Variants in GLI3 observed in about 807,000 individuals in gnomAD.
GLI3 encodes the protein GLI family zinc finger 3.
GLI3 carries 20 observed loss-of-function variants against 100.8 expected under a neutral mutation model. The observed-to-expected ratio is 0.20, with a 90% CI of 0.14 to 0.29. The LOEUF (loss-of-function observed/expected upper bound fraction) is 0.29, where lower values mean the gene tolerates loss of function less well. GLI3 is among the 10% of genes least tolerant of loss of function. The pLI is 1.00. For synonymous variants in GLI3, 938 were observed against 860.5 expected (o/e 1.09, Z -1.58); for missense variants, 2,040 against 2,128.5 (o/e 0.96, Z 0.82).
At chr7:42,072,285 T>C (rs757485512) in intron 4 of GLI3, among the ~76,000 whole-genome samples, 1 of 152,220 alleles carries the variant, frequency 6.6e-6, no homozygotes, top group South Asian at 2.1e-4. Flanking sequence ...ATTCAATTAA[T>C]ACTGGTCCAT....
chr7:42,162,929 G>T (rs1323356061), intron 2 of GLI3, among the ~76,000 whole-genome samples: 2 of 149,568 alleles, frequency 1.3e-5, no homozygotes, highest in African/African-American at 4.9e-5. Flanking sequence ...CTGAAGTCCT[G>T]GGGAGGAGTG....
chr7:41,980,570 AT>A (rs1280068381), intron 10 of GLI3, among the ~76,000 whole-genome samples: 2 of 152,134 alleles, frequency 1.3e-5, no homozygotes, highest in African/African-American at 4.8e-5. Flanking sequence ...GGATCCTTGG[AT>A]TAATGCATAT....
rs111965877 is a variant in GLI3, at chr7:41,988,326, T to G, written c.1498-9578A>C. ...AAAATGCAAAAAATTAGCTGGACAT[T>G]GTAGCAGGTGCCTGTAATCCCAGCT... On this transcript the variant is annotated intron_variant, in intron 10 of 14. Transcript: ENST00000395925. Among the ~76,000 whole-genome samples, 576 of 152,034 alleles carry G rather than the reference T, an allele frequency of 3.8e-3. 4 individuals are homozygous for G. The highest frequency in any genetic ancestry group is 0.013 in the African/African-American group (537 of 41,510).
At chr7:41,996,442 G>T (rs1788128172) in intron 10 of GLI3, among the ~76,000 whole-genome samples, 1 of 152,144 alleles carries the variant, frequency 6.6e-6, no homozygotes, top group Admixed American at 6.5e-5. Context: ...CCAAGGGTTA[G>T]TCAACCGCTG....
intron 4 of GLI3, among the ~76,000 whole-genome samples, chr7:42,054,635 CAATT>C (rs1289330640): frequency 4.6e-5 from 7 of 151,744 alleles, no homozygotes; most frequent in Non-Finnish European, 1.0e-4. Flanking sequence ...CATTTTTAAC[CAATT>C]AATTAATTAT....
intron 5 of GLI3, among the ~76,000 whole-genome samples, chr7:42,048,022 C>G (rs1784280027): frequency 6.6e-6 from 1 of 152,188 alleles, no homozygotes; most frequent in Non-Finnish European, 1.5e-5. Context: ...GGGAAGCCCT[C>G]CTCTAACAGA....
intron 2 of GLI3, among the ~76,000 whole-genome samples, chr7:42,153,052 A>G (rs563271768): frequency 7.5e-4 from 114 of 152,318 alleles, no homozygotes; most frequent in African/African-American, 2.6e-3. Context: ...ATTTCTTAAC[A>G]TCTTTTCAAA....
intron 4 of GLI3, among the ~76,000 whole-genome samples, chr7:42,061,831 A>C (rs957340071): frequency 1.3e-5 from 2 of 152,206 alleles, no homozygotes; most frequent in Non-Finnish European, 2.9e-5. Context: ...ATCAACTTCT[A>C]CATAAGGGGA....
chr7:42,148,578 T>C, intron 2 of GLI3, 110 bp from the exon 3 acceptor site: 1 of 1,059,034 alleles, frequency 9.4e-7, no homozygotes. Context: ...AAAAGAAGTA[T>C]CTTTCTCATT....
chr7:42,155,365 G>A (rs1189005530), intron 2 of GLI3, among the ~76,000 whole-genome samples: 2 of 151,838 alleles, frequency 1.3e-5, no homozygotes, highest in African/African-American at 4.8e-5. Context: ...CTTGAACCCA[G>A]GAGGCGGAGG....
intron 2 of GLI3, among the ~76,000 whole-genome samples, chr7:42,217,932 C>T (rs937943263): frequency 6.6e-6 from 1 of 152,172 alleles, no homozygotes; most frequent in African/African-American, 2.4e-5. Context: ...GTTTATGATA[C>T]GGCAGCCTGT....
chr7:42,029,496 T>C (rs1789221458), intron 7 of GLI3, among the ~76,000 whole-genome samples: 1 of 152,146 alleles, frequency 6.6e-6, no homozygotes, highest in African/African-American at 2.4e-5. Context: ...GATCAAGGTA[T>C]GAAAAGATTC....
chr7:42,235,451 A>G (rs907657117), intron 1 of GLI3, among the ~76,000 whole-genome samples: 1 of 152,172 alleles, frequency 6.6e-6, no homozygotes, highest in Non-Finnish European at 1.5e-5. Context: ...GCCATGCCCA[A>G]TGCGCTCAAG....
intron 10 of GLI3, among the ~76,000 whole-genome samples, chr7:41,987,935 T>A (rs933421432): frequency 3.3e-5 from 5 of 152,198 alleles, no homozygotes; most frequent in Non-Finnish European, 4.4e-5. Context: ...ATAAATAGAA[T>A]CACAGTAGTG....
At chr7:42,137,669 T>C (rs1786461661) in intron 3 of GLI3, among the ~76,000 whole-genome samples, 1 of 152,028 alleles carries the variant, frequency 6.6e-6, no homozygotes, top group African/African-American at 2.4e-5. Context: ...AGCTATAGGT[T>C]GAGTATCCCT....
intron 1 of GLI3, among the ~76,000 whole-genome samples, chr7:42,245,319 C>T (rs1562799852): frequency 6.6e-6 from 1 of 152,082 alleles, no homozygotes; most frequent in African/African-American, 2.4e-5. Flanking sequence ...TTACTTTTGC[C>T]GCTTCTCAGT....
intron 2 of GLI3, among the ~76,000 whole-genome samples, chr7:42,200,030 T>C (rs1330619348): frequency 1.3e-5 from 2 of 152,164 alleles, no homozygotes; most frequent in Non-Finnish European, 2.9e-5. Context: ...CATTCCAGCC[T>C]GGACAACAAC....
upstream of GLI3, among the ~76,000 whole-genome samples, chr7:42,239,133 ATTTGT>A (rs1016234653): frequency 6.6e-6 from 1 of 152,240 alleles, no homozygotes; most frequent in Non-Finnish European, 1.5e-5. Flanking sequence ...CTAGTTAGCC[ATTTGT>A]TTTAAGATTT....
intron 10 of GLI3, among the ~76,000 whole-genome samples, chr7:42,011,319 C>T (rs555000771): frequency 1.3e-5 from 2 of 152,304 alleles, no homozygotes; most frequent in East Asian, 3.9e-4. Context: ...CTGAAAAAGG[C>T]AGAGCCTACA....
Sources: allele counts gnomAD v4.1 joint callset (sites outside exome capture counted in the v4.1 genomes callset), GRCh38; gene constraint gnomAD v4.1.1; transcripts MANE v1.5; gene names NCBI Gene and HGNC (gene_info 2026-07-23, HGNC 2026-07-21).